ERC1: variants seen among roughly 807,000 people sequenced by gnomAD.
ERC1 encodes the protein ELKS/RAB6-interacting/CAST family member 1.
In ERC1, 56 loss-of-function variants were observed where a neutral mutation model predicts 132.0. The ratio of observed to expected loss-of-function variants is 0.42; its 90% CI spans 0.34 to 0.53. ERC1 has a LOEUF of 0.53. Among genes scored for constraint, ERC1 ranks in the 20% least tolerant of loss-of-function variants. ERC1 has a pLI of 0.03. For missense variants in ERC1, 1,202 were observed against 1,349.9 expected, an observed-to-expected ratio of 0.89 and a Z score of 1.72; for synonymous variants, 478 against 476.1, an observed-to-expected ratio of 1.00 and a Z score of -0.05.
At chr12:1,017,063 C>A (rs1965636926) in intron 1 of ERC1, among the ~76,000 whole-genome samples, 1 of 152,146 alleles carries the variant, frequency 6.6e-6, no homozygotes, top group Admixed American at 6.5e-5. Context: ...GTGGCATGAT[C>A]TCGGCTCACT....
Position 1,043,037 on chromosome 12 carries a change from T to C in ERC1, c.669+14465T>C, listed in dbSNP as rs565717672. Among the ~76,000 whole-genome samples the C allele has an allele frequency of 7.4e-5, 11 of 147,766 alleles. No homozygotes were observed. The South Asian group carries it at 2.3e-3, about 31-fold the overall frequency. On this transcript the variant is annotated intron_variant, in intron 2 of 18. Transcript: ENST00000360905. ...ATCTTCTTTTTCTTTCTTTTTCTTT[T>C]CTTTTCTTTTCTTTTTTTTTTTTTT... is the stretch of plus-strand genomic sequence containing the variant.
chr12:1,057,182 C>T (rs1041469985), intron 2 of ERC1, among the ~76,000 whole-genome samples: 4 of 152,070 alleles, frequency 2.6e-5, no homozygotes, highest in African/African-American at 9.7e-5. Flanking sequence ...ACTTTGTCAG[C>T]GCGATCTCTC....
At chr12:1,402,359 G>T (rs1254382396) in intron 16 of ERC1, among the ~76,000 whole-genome samples, 1 of 151,964 alleles carries the variant, frequency 6.6e-6, no homozygotes, top group Non-Finnish European at 1.5e-5. Flanking sequence ...ATGAAACCCC[G>T]TCTCTACTAA....
At chr12:1,452,812 C>T (rs2093453281) in intron 18 of ERC1, among the ~76,000 whole-genome samples, 1 of 152,168 alleles carries the variant, frequency 6.6e-6, no homozygotes, top group South Asian at 2.1e-4. Context: ...ATATACTTTC[C>T]TCTTCTTCTG....
intron 3 of ERC1, among the ~76,000 whole-genome samples, chr12:1,091,063 AT>A (rs1265977444): frequency 2.0e-4 from 30 of 151,962 alleles, no homozygotes; most frequent in Admixed American, 1.4e-3. Flanking sequence ...TAATTTTTGT[AT>A]TTTTAGTAGA....
chr12:1,448,593 G>T (rs2093358662), intron 18 of ERC1, among the ~76,000 whole-genome samples: 1 of 152,228 alleles, frequency 6.6e-6, no homozygotes, highest in South Asian at 2.1e-4. Flanking sequence ...TTATAGTTTT[G>T]TAGTTTTGTT....
chr12:1,062,445 T>G (rs1482728288), intron 2 of ERC1, among the ~76,000 whole-genome samples: 1 of 151,892 alleles, frequency 6.6e-6, no homozygotes, highest in Non-Finnish European at 1.5e-5. Flanking sequence ...TCTATTTCGG[T>G]TTTTTTTCCA....
At position 1,398,286 on chromosome 12, in the gene ERC1, A is replaced by G. The variant is rs185861614; in HGVS notation, c.2926-9863A>G. Among the ~76,000 whole-genome samples the G allele has an allele frequency of 1.1e-4, 17 of 152,244 alleles. No individual in the cohort carries two copies. The East Asian group carries it at 2.5e-3, about 22-fold the overall frequency. ...GACGTGAGCCACCGTGCCCAGCCCA[A>G]ATAGATTTTAGAGTTCATCCTGAAG... is the stretch of plus-strand genomic sequence containing the variant. On this transcript the variant is annotated intron_variant, in intron 16 of 18. Coordinates refer to ENST00000360905, the MANE Select transcript of ERC1 (RefSeq NM_178040.4).
intron 16 of ERC1, among the ~76,000 whole-genome samples, chr12:1,387,229 C>A (rs1182723999): frequency 6.6e-6 from 1 of 152,180 alleles, no homozygotes; most frequent in Non-Finnish European, 1.5e-5. Context: ...TTGGGACTTT[C>A]AAGTGATGCT....
intron 12 of ERC1, among the ~76,000 whole-genome samples, chr12:1,228,413 C>G (rs73593992): frequency 0.14 from 11,560 of 81,590 alleles, 1,100 homozygotes; most frequent in African/African-American, 0.4. Context: ...ACTGAACTTA[C>G]TATAATAGTT....
At chr12:1,426,760 C>T (rs2154402153) in intron 17 of ERC1, among the ~76,000 whole-genome samples, 1 of 152,142 alleles carries the variant, frequency 6.6e-6, no homozygotes, top group Non-Finnish European at 1.5e-5. Flanking sequence ...TTAATTCTAC[C>T]CCAGGTTGTC....
chr12:1,237,912 T>G lies in ERC1; in HGVS notation c.2487+1008T>G, dbSNP rs546672437. On this transcript the variant is annotated intron_variant, in intron 13 of 18. Coordinates refer to ENST00000360905, the MANE Select transcript of ERC1 (RefSeq NM_178040.4). ...CAATTACAATCTTTACTGGAGAGAT[T>G]TGGAGGGTTTACTATGTAGAAGCCA... Among the ~76,000 whole-genome samples the G allele has an allele frequency of 5.8e-4, 89 of 152,326 alleles. 1 individual carries two copies. Among genetic ancestry groups the G allele is most frequent in the African/African-American group, 2.1e-3 (86 of 41,586 alleles).
At chr12:1,153,125 C>T (rs986945769) in intron 8 of ERC1, 1 of 152,238 alleles carries the variant, frequency 6.6e-6, no homozygotes, top group Admixed American at 6.5e-5. Flanking sequence ...AAAAGGTCAT[C>T]TTTCCATTTC....
intron 12 of ERC1, among the ~76,000 whole-genome samples, chr12:1,232,473 A>G (rs61911976): frequency 0.3 from 45,425 of 151,994 alleles, 6,924 homozygotes; most frequent in Middle Eastern, 0.39. Context: ...GAGCTTCTGT[A>G]TGCTTTTGTC....
chr12:1,286,556 A>G (rs2079056629), intron 14 of ERC1, among the ~76,000 whole-genome samples: 1 of 152,294 alleles, frequency 6.6e-6, no homozygotes, highest in South Asian at 2.1e-4. Context: ...TGCTATCACC[A>G]TGTCTGTACA....
intron 3 of ERC1, among the ~76,000 whole-genome samples, chr12:1,096,487 C>T (rs903023278): frequency 7.9e-5 from 12 of 152,198 alleles, no homozygotes; most frequent in Non-Finnish European, 1.8e-4. Flanking sequence ...TAAAGTTCGA[C>T]ACTCATTTAT....
chr12:1,484,912 G>A (rs557618165), intron 18 of ERC1, among the ~76,000 whole-genome samples: 6 of 148,452 alleles, frequency 4.0e-5, no homozygotes, highest in South Asian at 4.3e-4. Context: ...ACAGGGTCTC[G>A]CTGTGTTGCG....
intron 17 of ERC1, among the ~76,000 whole-genome samples, chr12:1,411,537 T>A (rs553985490): frequency 9.9e-5 from 15 of 152,196 alleles, no homozygotes; most frequent in African/African-American, 3.4e-4. Flanking sequence ...ATGAATGAAG[T>A]TGAAACGCAC....
intron 1 of ERC1, among the ~76,000 whole-genome samples, chr12:1,017,647 C>A (rs1014048755): frequency 1.3e-5 from 2 of 151,710 alleles, no homozygotes; most frequent in African/African-American, 4.8e-5. Context: ...TAGAGGCGTG[C>A]GCTATCACAC....
Sources: gnomAD v4.1 joint callset for allele counts (sites outside exome capture counted in the v4.1 genomes callset) on GRCh38, gnomAD v4.1.1 for gene constraint, MANE v1.5 for transcripts, NCBI Gene and HGNC (gene_info 2026-07-23, HGNC 2026-07-21) for gene names.